Variants in GPR39 observed in about 807,000 individuals in gnomAD.
GPR39 encodes the protein G protein-coupled receptor 39.
Under a neutral mutation model 18.4 loss-of-function variants are expected in GPR39, and 23 were observed. That is an observed-to-expected ratio of 1.25 (90% CI 0.90 to 1.77). The LOEUF is 1.77. GPR39 is among the 40% of genes most tolerant of loss of function. The pLI is 0.00. For missense variants in GPR39, 647 were observed against 602.4 expected (o/e 1.07, Z -0.78); for synonymous variants, 280 against 257.9 (o/e 1.09, Z -0.82).
chr2:132,457,134 A>G (rs1680743015), intron 1 of GPR39, among the ~76,000 whole-genome samples: 1 of 152,044 alleles, frequency 6.6e-6, no homozygotes, highest in Admixed American at 6.6e-5. Flanking sequence ...TGTAGATTTG[A>G]TCTTTTCACA....
rs555825066 is a variant in GPR39 at position 132,623,497 on chromosome 2, A to G, written c.857-21604A>G. Among the ~76,000 whole-genome samples, 33 of 152,314 alleles carry G rather than the reference A, an allele frequency of 2.2e-4. No individual in the cohort carries two copies. In the South Asian group the frequency reaches 6.2e-3, roughly 29 times the overall value. Reference sequence around the variant, plus strand: ...CACCTCAAAAGTCAGGAATAAAGTTAAAGCTTATAAAAGAAGTTAAACTAT... The same window carrying G: ...CACCTCAAAAGTCAGGAATAAAGTTGAAGCTTATAAAAGAAGTTAAACTAT... On this transcript the variant is annotated intron_variant, in intron 1 of 1. Transcript: ENST00000329321.
intron 1 of GPR39, among the ~76,000 whole-genome samples, chr2:132,455,069 C>CT: frequency 6.6e-6 from 1 of 152,146 alleles, no homozygotes; most frequent in East Asian, 1.9e-4. Flanking sequence ...CCAGTTCCTC[C>CT]TTGTACCTCT....
At chr2:132,581,992 G>A (rs1449920639) in intron 1 of GPR39, among the ~76,000 whole-genome samples, 32 of 152,214 alleles carry the variant, frequency 2.1e-4, no homozygotes, top group Admixed American at 2.1e-3. Flanking sequence ...CCCGGTGGTT[G>A]GGAGACAAAG....
At chr2:132,490,027 G>A (rs1488727488) in intron 1 of GPR39, among the ~76,000 whole-genome samples, 2 of 151,752 alleles carry the variant, frequency 1.3e-5, no homozygotes, top group East Asian at 3.9e-4. Context: ...ATGTGGCACC[G>A]TGCTTGCTCC....
chr2:132,640,212 G>A (rs1369820744), intron 1 of GPR39, among the ~76,000 whole-genome samples: 1 of 152,194 alleles, frequency 6.6e-6, no homozygotes, highest in African/African-American at 2.4e-5. Flanking sequence ...ATGCCACCAT[G>A]TCCCAGCCTG....
Position 132,542,662 on chromosome 2 carries a change from C to G in GPR39, c.857-102439C>G, listed in dbSNP as rs535145866. Reference sequence around the variant, plus strand: ...TGCTGCACAGAGGCTAGCCTGGTGTCCTTTCCTTCACATCCTGCGTAGCCA... The same window carrying G: ...TGCTGCACAGAGGCTAGCCTGGTGTGCTTTCCTTCACATCCTGCGTAGCCA... On this transcript the variant is annotated intron_variant, in intron 1 of 1. Transcript: ENST00000329321. 1.5e-4 allele frequency among the ~76,000 whole-genome samples: 22 copies of G among 150,712 alleles called. No individual in the cohort carries two copies. The East Asian group carries it at 4.3e-3, about 29-fold the overall frequency.
intron 1 of GPR39, among the ~76,000 whole-genome samples, chr2:132,529,650 C>G (rs1452041608): frequency 6.6e-6 from 1 of 152,194 alleles, no homozygotes; most frequent in Non-Finnish European, 1.5e-5. Context: ...TCCTCTGAGA[C>G]AAAACTTCCA....
At chr2:132,495,470 T>C (rs534658674) in intron 1 of GPR39, among the ~76,000 whole-genome samples, 2 of 152,330 alleles carry the variant, frequency 1.3e-5, no homozygotes, top group East Asian at 1.9e-4. Flanking sequence ...ACTCCTCTCT[T>C]GCTTGGCTGC....
At chr2:132,513,105 A>T (rs6754698) in intron 1 of GPR39, among the ~76,000 whole-genome samples, 62,776 of 151,914 alleles carry the variant, frequency 0.41, 14,236 homozygotes, top group Non-Finnish European at 0.5. Context: ...GCTGCACTAC[A>T]TGTGGTCTCC....
chr2:132,636,791 A>G (rs1305458755), intron 1 of GPR39, among the ~76,000 whole-genome samples: 1 of 152,218 alleles, frequency 6.6e-6, no homozygotes, highest in East Asian at 1.9e-4. Flanking sequence ...TATAAGTGGC[A>G]TGGCTAGAGC....
chr2:132,524,789 T>G (rs1679480895), intron 1 of GPR39, among the ~76,000 whole-genome samples: 1 of 150,186 alleles, frequency 6.7e-6, no homozygotes, highest in African/African-American at 2.5e-5. Context: ...GAGAATAGTA[T>G]TATTACATGT....
At chr2:132,618,222 C>G (rs1203852222) in intron 1 of GPR39, among the ~76,000 whole-genome samples, 1 of 152,216 alleles carries the variant, frequency 6.6e-6, no homozygotes, top group African/African-American at 2.4e-5. Context: ...GGCCACCTGA[C>G]AAAGGTCACT....
At chr2:132,427,113 A>G (rs1558795553) in intron 1 of GPR39, among the ~76,000 whole-genome samples, 2 of 86,146 alleles carry the variant, frequency 2.3e-5, no homozygotes, top group African/African-American at 4.8e-5. Flanking sequence ...ATATATATAT[A>G]ATATACATAT....
chr2:132,508,067 C>T (rs1470404805), intron 1 of GPR39, among the ~76,000 whole-genome samples: 1 of 152,182 alleles, frequency 6.6e-6, no homozygotes, highest in African/African-American at 2.4e-5. Context: ...ACCCTATAGT[C>T]ACATGGCTGG....
At chr2:132,570,082 A>G (rs1280049538) in intron 1 of GPR39, among the ~76,000 whole-genome samples, 2 of 152,166 alleles carry the variant, frequency 1.3e-5, no homozygotes, top group African/African-American at 4.8e-5. Context: ...CATGGTCTCC[A>G]GTTGGCCCTG....
intron 1 of GPR39, among the ~76,000 whole-genome samples, chr2:132,586,645 C>G (rs116345244): frequency 0.018 from 2,675 of 152,294 alleles, 96 homozygotes; most frequent in African/African-American, 0.061. Flanking sequence ...TGGCAGGCAT[C>G]ACATTTTATT....
chr2:132,541,194 T>C (rs926135144), intron 1 of GPR39, among the ~76,000 whole-genome samples: 2 of 152,112 alleles, frequency 1.3e-5, no homozygotes, highest in South Asian at 4.1e-4. Context: ...AGTGATTCTC[T>C]CAACTCAGCC....
chr2:132,439,190 G>A (rs1004180643), intron 1 of GPR39, among the ~76,000 whole-genome samples: 1 of 152,218 alleles, frequency 6.6e-6, no homozygotes, highest in Non-Finnish European at 1.5e-5. Flanking sequence ...GTTAAACTCG[G>A]AAAATCACAA....
intron 1 of GPR39, among the ~76,000 whole-genome samples, chr2:132,469,568 C>CGT (rs35099661): frequency 2.5e-3 from 383 of 152,164 alleles, no homozygotes; most frequent in African/African-American, 4.6e-3. Flanking sequence ...AGACAGTGAG[C>CGT]GTGTGTGTGT....
Sources: gnomAD v4.1 joint callset for allele counts (sites outside exome capture counted in the v4.1 genomes callset) on GRCh38, gnomAD v4.1.1 for gene constraint, MANE v1.5 for transcripts, NCBI Gene and HGNC (gene_info 2026-07-23, HGNC 2026-07-21) for gene names.